The following SNRNP200 variants were observed in gnomAD, a reference collection of about 807,000 sequenced individuals.
SNRNP200 encodes small nuclear ribonucleoprotein U5 subunit 200, also known as U5 small nuclear ribonucleoprotein 200 kDa helicase.
SNRNP200 carries 66 observed loss-of-function variants against 255.2 expected under a neutral mutation model. The ratio of observed to expected loss-of-function variants is 0.26; its 90% confidence interval spans 0.21 to 0.32. The LOEUF is 0.32. Among genes scored for constraint, SNRNP200 ranks in the 10% least tolerant of loss-of-function variants. SNRNP200 has a pLI of 1.00. For synonymous variants in SNRNP200, 939 were observed against 1,027.8 expected (o/e 0.91, Z 1.65); for missense variants, 1,585 against 2,749.8 (o/e 0.58, Z 9.47).
Position 96,279,609 on chromosome 2 carries a change from C to A in SNRNP200, c.5025-50G>T, listed in dbSNP as rs114889868. The A allele has an allele frequency of 5.1e-3, 6,433 of 1,259,860 alleles. 259 individuals are homozygous for A. In the African/African-American group the frequency reaches 0.086, roughly 17 times the overall value. 78.0% of individuals were successfully genotyped at this position (1,259,860 alleles called of 1,614,324 possible). A position where few individuals can be genotyped will look rare whatever the true frequency, so the allele number is the denominator to read the frequency against. ...GGAAAAGCCACCTCAACACGGAGACCATGCTCAGGAAGCCCAACTCCCTTC... is the reference window on the plus strand; with the variant it reads ...GGAAAAGCCACCTCAACACGGAGACAATGCTCAGGAAGCCCAACTCCCTTC... On this transcript the variant is annotated intron_variant, in intron 35 of 44. Transcript: ENST00000323853.
At position 96,290,888 on chromosome 2, in the gene SNRNP200, G is replaced by A. The variant is rs988037415; in HGVS notation, c.2422-73C>T. Reference sequence around the variant, plus strand: ...GGGTTAATATCCCTGGCTTCTCTAGGCAGTTGGCCTCAGAGCTTCTCTCAG... The same window carrying A: ...GGGTTAATATCCCTGGCTTCTCTAGACAGTTGGCCTCAGAGCTTCTCTCAG... On this transcript the variant is annotated intron_variant, in intron 18 of 44. Transcript: ENST00000323853. The surrounding 1 kb of genome is among the most constrained non-coding windows in gnomAD (Gnocchi z 4.5). 6.3e-6 allele frequency: 10 copies of A among 1,598,844 alleles called. No individual in the cohort carries two copies. The highest frequency in any genetic ancestry group is 8.6e-6 in the Non-Finnish European group (10 of 1,169,166).
At position 96,298,590 on chromosome 2, in the gene SNRNP200, A is replaced by C. The variant is rs919471265; in HGVS notation, c.982+13T>G. ...TGTACTCACTCTGCAGGAAGACCCCACCATATACTCACTCATCATCCTGTG... is the reference window on the plus strand; with the variant it reads ...TGTACTCACTCTGCAGGAAGACCCCCCCATATACTCACTCATCATCCTGTG... On this transcript the variant is annotated intron_variant, in intron 8 of 44. Transcript: ENST00000323853. 1.9e-6 allele frequency: 3 copies of C among 1,612,938 alleles called. No homozygotes were observed. The highest frequency in any genetic ancestry group is 3.3e-5 in the Admixed American group (2 of 60,024).
intron 35 of SNRNP200, chr2:96,281,040 T>C (rs1366296311): frequency 6.6e-6 from 1 of 151,700 alleles, no homozygotes; most frequent in Non-Finnish European, 1.5e-5. Flanking sequence ...ACCTGGCTAA[T>C]TTTTGTAGAG....
chr2:96,303,805 G>A (rs4907231), intron 2 of SNRNP200, among the ~76,000 whole-genome samples: 40,818 of 150,932 alleles, frequency 0.27, 6,747 homozygotes, highest in South Asian at 0.67. Context: ...CAGGAGAATC[G>A]CTTGAACCCG....
At chr2:96,300,360 A>G (rs1309641952) in intron 5 of SNRNP200, among the ~76,000 whole-genome samples, 1 of 152,364 alleles carries the variant, frequency 6.6e-6, no homozygotes, top group South Asian at 2.1e-4. Context: ...AAATACTGTA[A>G]TAAGGTTAAA....
At chr2:96,304,906 G>C in intron 1 of SNRNP200, 38 bp from the exon 2 acceptor site, 1 of 1,602,196 alleles carries the variant, frequency 6.2e-7, no homozygotes, top group Non-Finnish European at 8.5e-7. Context: ...TTTGACATGA[G>C]CAGGGCCAAT....
intron 2 of SNRNP200, among the ~76,000 whole-genome samples, chr2:96,303,718 T>G (rs113002299): frequency 2.6e-5 from 4 of 152,208 alleles, no homozygotes; most frequent in African/African-American, 9.6e-5. Flanking sequence ...GGAGAAACCC[T>G]GTATCTACTA....
rs1391193391 is a variant in SNRNP200 at position 96,285,296 on chromosome 2, C to G, written c.4048G>C (p.Ala1350Pro). 1.2e-6 allele frequency: 2 copies of G among 1,613,966 alleles called. No homozygotes were observed. Among genetic ancestry groups the G allele is most frequent in the Admixed American group, 3.3e-5 (2 of 60,012 alleles). Residue 1350 changes from alanine to proline, a missense_variant, in exon 30 of 45, where the codon GCC becomes CCC. By Grantham distance (27) the Ala-to-Pro change is conservative (BLOSUM62 -1). Coordinates refer to ENST00000323853, the MANE Select transcript of SNRNP200 (RefSeq NM_014014.5). ...ATAGTCTTCCCGCTGCCCGTGGGGG[C>G]CCCCACAAACACGTTGTCGTCACTG... ...YNSDDNVFVG[A>P]PTGSGKTICA...
chr2:96,295,744 A>T, intron 13 of SNRNP200, 86 bp from the exon 14 acceptor site: 1 of 1,418,286 alleles, frequency 7.1e-7, no homozygotes, highest in Non-Finnish European at 9.8e-7. Flanking sequence ...AGTGTAGGGC[A>T]TTGGGAGCAG....
chr2:96,293,041 A>G lies in SNRNP200; in HGVS notation c.2091T>C (p.Ala697=). Residue 697 remains alanine, a synonymous_variant, in exon 16 of 45, where the codon GCT becomes GCC. Transcript: ENST00000323853. ...CATTCATGATCTGGAAACGCTTGAT[A>G]GCTTTTTTCTCTGTGATACCCACAT... The part of the protein sequence containing the change: ...QTYVGITEKK[A]IKRFQIMNEI... The G allele has an allele frequency of 6.2e-7, 1 of 1,614,170 alleles. No homozygotes were observed.
chr2:96,283,119 ACACTGC>A lies in SNRNP200; in HGVS notation c.4915+76_4915+81del. On this transcript the variant is annotated intron_variant, in intron 34 of 44. Transcript: ENST00000323853. This position sits in a 1 kb window ranked among gnomAD's most constrained non-coding sequence, Gnocchi z 4.7. The stretch of plus-strand genomic sequence containing the variant: ...AAATCTCTGGTATGCTGTAGAGAAA[ACACTGC>A]CACCCGCACCCCTCAAGTTTAACAC... 6.4e-7 allele frequency: 1 copy of A among 1,553,526 alleles called. No individual in the cohort carries two copies. The highest frequency in any genetic ancestry group is 8.8e-7 in the Non-Finnish European group (1 of 1,132,530).
rs751968991 is a variant in SNRNP200 at position 96,301,481 on chromosome 2, C to G, written c.574+43G>C. The G allele has an allele frequency of 3.8e-6, 6 of 1,596,944 alleles. No homozygotes were observed. In the South Asian group the frequency reaches 4.4e-5, roughly 12 times the overall value. On this transcript the variant is annotated intron_variant, in intron 4 of 44. Coordinates refer to ENST00000323853, the MANE Select transcript of SNRNP200 (RefSeq NM_014014.5). ...TAGAAGATGCATGTTTAGGGGTCAACAACAACCAATGAACATGATCAGAAC... is the reference window on the plus strand; with the variant it reads ...TAGAAGATGCATGTTTAGGGGTCAAGAACAACCAATGAACATGATCAGAAC...
chr2:96,277,750 T>C lies in SNRNP200; in HGVS notation c.5755-35A>G. The C allele has an allele frequency of 6.2e-7, 1 of 1,613,784 alleles. No individual in the cohort carries two copies. The stretch of plus-strand genomic sequence containing the variant: ...AAAAGGAGTATAAAAGTGGGCGGAG[T>C]TGGAGCTGAGATGTTTAGAGCACCA... On this transcript the variant is annotated intron_variant, in intron 40 of 44. Coordinates refer to ENST00000323853, the MANE Select transcript of SNRNP200 (RefSeq NM_014014.5). The surrounding 1 kb of genome is among the most constrained non-coding windows in gnomAD (Gnocchi z 4.4).
In SNRNP200 at chr2:96,281,307, C is replaced by T. The variant is rs1558764266; in HGVS notation, c.5024+507G>A. 7 of 172,322 alleles carry T rather than the reference C, an allele frequency of 4.1e-5. No homozygotes were observed. In the East Asian group the frequency reaches 1.1e-3, roughly 26 times the overall value. 10.7% of individuals were successfully genotyped at this position (172,322 alleles called of 1,614,324 possible). Reference sequence around the variant, plus strand: ...TCAGCTTCCCAAGTAGCTGGGATTACAGGCGCCTGCCACCACACTCAGCTA... The same window carrying T: ...TCAGCTTCCCAAGTAGCTGGGATTATAGGCGCCTGCCACCACACTCAGCTA... On this transcript the variant is annotated intron_variant, in intron 35 of 44. Transcript: ENST00000323853.
chr2:96,282,757 C>G (rs923448537), intron 34 of SNRNP200: 10 of 288,294 alleles, frequency 3.5e-5, no homozygotes, highest in African/African-American at 2.2e-4. Context: ...TTCCCTGAGG[C>G]CTTCCCAGAA....
intron 16 of SNRNP200, among the ~76,000 whole-genome samples, chr2:96,292,512 GT>G (rs1198979530): frequency 6.6e-6 from 1 of 152,128 alleles, no homozygotes; most frequent in Admixed American, 6.5e-5. Context: ...ATGCCCTCTA[GT>G]TTTTCATTTT....
At position 96,277,170 on chromosome 2, in the gene SNRNP200, G is replaced by A; in HGVS notation, c.6003C>T (p.Asp2001=). The A allele has an allele frequency of 6.2e-7, 1 of 1,614,186 alleles. No homozygotes were observed. Among genetic ancestry groups the A allele is most frequent in the Non-Finnish European group, 8.5e-7 (1 of 1,180,022 alleles). ...EERNALLQLT[D]SQIADVARFC... ...AGCGAGCCACATCTGCAATCTGGCT[G>A]TCAGTCAGCTGAAGCAACGCGTTCC... is the stretch of plus-strand genomic sequence containing the variant. The change falls in exon 42 of 45, where the codon GAC becomes GAT. Residue 2001 remains aspartate (D), a synonymous_variant. Coordinates refer to ENST00000323853, the MANE Select transcript of SNRNP200 (RefSeq NM_014014.5). The surrounding 1 kb of genome is among the most constrained non-coding windows in gnomAD (Gnocchi z 4.4).
chr2:96,275,187 A>G (rs1684633611), intron 44 of SNRNP200, 32 bp from the exon 45 acceptor site: 1 of 1,614,128 alleles, frequency 6.2e-7, no homozygotes, highest in Admixed American at 1.7e-5. Context: ...CAAGATGAGC[A>G]TGGACACAGG....
chr2:96,292,026 A>C (rs1392068426), intron 16 of SNRNP200, 126 bp from the exon 17 acceptor site: 1 of 1,039,350 alleles, frequency 9.6e-7, no homozygotes, highest in African/African-American at 1.6e-5. Flanking sequence ...AAGGGCAGGA[A>C]TGTGTGCAGG....
Sources: gnomAD v4.1 joint callset for allele counts (sites outside exome capture counted in the v4.1 genomes callset) on GRCh38, gnomAD v4.1.1 for gene constraint, Gnocchi (gnomAD v3.1) non-coding constraint, MANE v1.5 for transcripts, NCBI Gene and HGNC (gene_info 2026-07-23, HGNC 2026-07-21) for gene names.